The following CORO2B variants were observed in gnomAD, a reference collection of about 807,000 sequenced individuals.
The protein encoded by CORO2B is coronin 2B, also known as coronin-2B.
A neutral mutation model predicts 58.8 loss-of-function variants in CORO2B; 26 were observed. The observed-to-expected ratio is 0.44, with a 90% confidence interval of 0.32 to 0.61. The LOEUF is 0.61. Among genes scored for constraint, CORO2B ranks in the 20% least tolerant of loss-of-function variants. The pLI is 0.04. For missense variants in CORO2B, 460 were observed against 645.1 expected, an observed-to-expected ratio of 0.71 and a Z score of 3.11; for synonymous variants, 242 against 253.8, an observed-to-expected ratio of 0.95 and a Z score of 0.44.
chr15:68,621,339 A>G (rs1900510688), intron 1 of CORO2B, among the ~76,000 whole-genome samples: 2 of 152,370 alleles, frequency 1.3e-5, no homozygotes, highest in South Asian at 4.1e-4. Context: ...GCGTGCCAGC[A>G]TGGAGACCTG....
At chr15:68,592,296 G>A (rs569274757) in intron 1 of CORO2B, among the ~76,000 whole-genome samples, 2 of 152,150 alleles carry the variant, frequency 1.3e-5, no homozygotes, top group Non-Finnish European at 1.5e-5. Flanking sequence ...GCACACATAA[G>A]GGAATTTTCT....
chr15:68,709,351 G>T (rs1251583726), intron 3 of CORO2B, among the ~76,000 whole-genome samples: 1 of 149,192 alleles, frequency 6.7e-6, no homozygotes, highest in African/African-American at 2.5e-5. Flanking sequence ...ATTTTTTTTT[G>T]GTTGGCTATT....
intron 3 of CORO2B, among the ~76,000 whole-genome samples, chr15:68,699,955 G>A (rs748041379): frequency 4.6e-5 from 7 of 152,196 alleles, no homozygotes; most frequent in Non-Finnish European, 1.0e-4. Flanking sequence ...GGTCCAACCT[G>A]GGTGCTGGGG....
chr15:68,520,125 C>CA, the CORO2B span, among the ~76,000 whole-genome samples: 2 of 152,090 alleles, frequency 1.3e-5, no homozygotes. Flanking sequence ...CCACTGTGGT[C>CA]AAAAAACAAA....
chr15:68,550,985 C>T, the CORO2B span, among the ~76,000 whole-genome samples: 2 of 152,098 alleles, frequency 1.3e-5, no homozygotes, highest in East Asian at 3.9e-4. Flanking sequence ...CCAGGATGGG[C>T]GTGGGATCCT....
chr15:68,541,889 C>A, the CORO2B span, among the ~76,000 whole-genome samples: 2 of 152,134 alleles, frequency 1.3e-5, no homozygotes, highest in African/African-American at 4.8e-5. Context: ...CTGTGCCCTG[C>A]GAACTCTGAC....
At chr15:68,657,410 G>A (rs1901843468) in intron 2 of CORO2B, among the ~76,000 whole-genome samples, 1 of 151,746 alleles carries the variant, frequency 6.6e-6, no homozygotes, top group Non-Finnish European at 1.5e-5. Context: ...CCAGATACTC[G>A]GGAGGCTGAG....
At chr15:68,571,370 A>G in the CORO2B span, among the ~76,000 whole-genome samples, 3 of 152,228 alleles carry the variant, frequency 2.0e-5, no homozygotes, top group Admixed American at 1.3e-4. Flanking sequence ...GAGCCATGGC[A>G]TTGTGAATAA....
the CORO2B span, among the ~76,000 whole-genome samples, chr15:68,570,008 A>G: frequency 2.6e-5 from 4 of 152,160 alleles, no homozygotes; most frequent in Non-Finnish European, 4.4e-5. Context: ...GAAAGTTCTC[A>G]CCTGCAGAGA....
the CORO2B span, among the ~76,000 whole-genome samples, chr15:68,530,554 G>C: frequency 6.6e-6 from 1 of 152,098 alleles, no homozygotes; most frequent in South Asian, 2.1e-4. Flanking sequence ...CAGTAATTGA[G>C]AGGGGTATGG....
chr15:68,721,343 G>A (rs1048987035), intron 11 of CORO2B, among the ~76,000 whole-genome samples: 3 of 152,172 alleles, frequency 2.0e-5, no homozygotes, highest in African/African-American at 7.2e-5. Context: ...TGATAAATGG[G>A]ATTTGCTTTA....
At chr15:68,719,019 T>A in intron 9 of CORO2B, 125 bp from the exon 10 acceptor site, 1 of 897,202 alleles carries the variant, frequency 1.1e-6, no homozygotes, top group Non-Finnish European at 1.8e-6. Context: ...GGAGACACAG[T>A]GCAAAGGCAT....
At chr15:68,691,146 G>A (rs1327308622) in intron 2 of CORO2B, among the ~76,000 whole-genome samples, 2 of 150,614 alleles carry the variant, frequency 1.3e-5, no homozygotes, top group South Asian at 2.1e-4. Flanking sequence ...TGGCTAACAC[G>A]GTGAAACCCC....
intron 2 of CORO2B, among the ~76,000 whole-genome samples, chr15:68,681,542 C>T (rs113650012): frequency 0.041 from 6,308 of 152,144 alleles, 295 homozygotes; most frequent in African/African-American, 0.11. Context: ...AGATAATCAC[C>T]ATTTTCATAG....
At chr15:68,582,185 C>T (rs78439517) in intron 1 of CORO2B, among the ~76,000 whole-genome samples, 166 of 152,332 alleles carry the variant, frequency 1.1e-3, no homozygotes, top group African/African-American at 3.9e-3. Flanking sequence ...AGGACTCCTG[C>T]CCTAACTAGC....
intron 1 of CORO2B, among the ~76,000 whole-genome samples, chr15:68,640,737 C>G (rs561277933): frequency 6.6e-6 from 1 of 152,148 alleles, no homozygotes; most frequent in Non-Finnish European, 1.5e-5. Context: ...AAGGAAATTG[C>G]CGTCCTTTGT....
intron 3 of CORO2B, among the ~76,000 whole-genome samples, chr15:68,700,644 C>T (rs931068862): frequency 3.9e-5 from 6 of 152,196 alleles, no homozygotes; most frequent in Non-Finnish European, 7.3e-5. Flanking sequence ...TGGCAGAATC[C>T]AGTTCTTTCC....
intron 2 of CORO2B, among the ~76,000 whole-genome samples, chr15:68,657,442 G>A (rs936939712): frequency 1.1e-4 from 16 of 151,428 alleles, no homozygotes; most frequent in African/African-American, 2.7e-4. Context: ...ACTTGAACCC[G>A]GGGAGGTTGA....
chr15:68,597,383 A>G (rs1899859161), intron 1 of CORO2B, among the ~76,000 whole-genome samples: 1 of 152,174 alleles, frequency 6.6e-6, no homozygotes. Flanking sequence ...CACGCACCTC[A>G]TATCACCCTT....
Sources: allele counts gnomAD v4.1 joint callset (sites outside exome capture counted in the v4.1 genomes callset), GRCh38; gene constraint gnomAD v4.1.1; transcripts MANE v1.5; gene names NCBI Gene and HGNC (gene_info 2026-07-23, HGNC 2026-07-21).